The following SUMO3 variants were observed in gnomAD, a reference collection of about 807,000 sequenced individuals.
The protein encoded by SUMO3 is small ubiquitin like modifier 3.
A neutral mutation model predicts 11.1 loss-of-function variants in SUMO3; 2 were observed. The ratio of observed to expected loss-of-function variants is 0.18; its 90% CI spans 0.07 to 0.57. The LOEUF (loss-of-function observed/expected upper bound fraction) is 0.57. Ranked by LOEUF, SUMO3 falls within the 20% of genes least tolerant of loss-of-function variation. The pLI, the probability that SUMO3 is intolerant of heterozygous loss-of-function variation, is 0.92. For synonymous variants in SUMO3, 56 were observed against 53.5 expected, an observed-to-expected ratio of 1.05 and a Z score of -0.20; for missense variants, 70 against 132.8, an observed-to-expected ratio of 0.53 and a Z score of 2.32.
chr21:44,816,781 G>A (rs566395455), intron 1 of SUMO3, among the ~76,000 whole-genome samples: 3 of 152,026 alleles, frequency 2.0e-5, no homozygotes, highest in Admixed American at 2.0e-4. Flanking sequence ...GGAGACTAAA[G>A]CCCACCCAAG....
In SUMO3 at chr21:44,811,826, G is replaced by C. The variant is rs1445011340; in HGVS notation, c.150+2150C>G. Among the ~76,000 whole-genome samples, 2 of 152,080 alleles carry C rather than the reference G, an allele frequency of 1.3e-5. No homozygotes were observed. The highest frequency in any genetic ancestry group is 6.6e-5 in the Admixed American group (1 of 15,262). On this transcript the variant is annotated intron_variant, in intron 2 of 3. Coordinates refer to ENST00000332859, the MANE Select transcript of SUMO3 (RefSeq NM_006936.3). The surrounding 1 kb of genome is among the most constrained non-coding windows in gnomAD (Gnocchi z 5.0). ...ACAGGAACTCCAAAAAGAGGGAACA[G>C]AGTCTGGAGAAGGATACAAATTATC...
chr21:44,813,691 AC>A, intron 2 of SUMO3: 5 of 856,244 alleles, frequency 5.8e-6, no homozygotes, highest in Non-Finnish European at 8.8e-6. Flanking sequence ...AGATGTTAGT[AC>A]CCCATGGAGA....
At chr21:44,816,775 A>T (rs998917427) in intron 1 of SUMO3, among the ~76,000 whole-genome samples, 5 of 151,828 alleles carry the variant, frequency 3.3e-5, no homozygotes, top group Admixed American at 2.6e-4. Flanking sequence ...AATGGGGGAG[A>T]CTAAAGCCCA....
chr21:44,809,043 G>A lies in SUMO3; in HGVS notation c.222+4C>T, dbSNP rs375860938. On this transcript the variant is annotated splice_donor_region_variant and intron_variant, in intron 3 of 3. Coordinates refer to ENST00000332859, the MANE Select transcript of SUMO3 (RefSeq NM_006936.3). The stretch of plus-strand genomic sequence containing the variant: ...CCTGGAACCACGCGAAGCCAGCTCC[G>A]TACCTGTGCTGGAGTGTCAGTTTCA... 58 of 1,613,758 alleles carry A rather than the reference G, an allele frequency of 3.6e-5. No homozygotes were observed. The highest frequency in any genetic ancestry group is 8.8e-5 in the South Asian group (8 of 91,078).
In SUMO3 at chr21:44,812,239, G is replaced by A. The variant is rs1027519566; in HGVS notation, c.150+1737C>T. Among the ~76,000 whole-genome samples the A allele has an allele frequency of 4.6e-5, 7 of 151,374 alleles. No individual in the cohort carries two copies. The East Asian group carries it at 9.7e-4, about 21-fold the overall frequency. Reference sequence around the variant, plus strand: ...ACCTGGCTAATTTTTTTAATGTTTCGTAGAGACAGGGTCTCCCTGTGTTGC... The same window carrying A: ...ACCTGGCTAATTTTTTTAATGTTTCATAGAGACAGGGTCTCCCTGTGTTGC... On this transcript the variant is annotated intron_variant, in intron 2 of 3. Transcript: ENST00000332859.
intron 2 of SUMO3, among the ~76,000 whole-genome samples, chr21:44,809,693 G>A (rs945538443): frequency 6.6e-6 from 1 of 152,232 alleles, no homozygotes; most frequent in African/African-American, 2.4e-5. Flanking sequence ...TCAGCCAGGA[G>A]GTCTCTGAGG....
chr21:44,817,755 G>T (rs1185573040), intron 1 of SUMO3, among the ~76,000 whole-genome samples, 193 bp downstream of exon 1: 4 of 148,624 alleles, frequency 2.7e-5, no homozygotes, highest in Non-Finnish European at 6.0e-5. Flanking sequence ...CGGAGCTCGC[G>T]GCACAGCGCG....
intron 1 of SUMO3, among the ~76,000 whole-genome samples, chr21:44,816,375 G>A (rs1483843674): frequency 6.6e-6 from 1 of 152,176 alleles, no homozygotes; most frequent in Non-Finnish European, 1.5e-5. Context: ...ATGCCATCTG[G>A]ATAGGGCAGG....
At chr21:44,814,977 G>A (rs2083235202) in intron 1 of SUMO3, among the ~76,000 whole-genome samples, 1 of 152,230 alleles carries the variant, frequency 6.6e-6, no homozygotes, top group African/African-American at 2.4e-5. Context: ...CCGAAAAGTG[G>A]GGCACCCCTC....
Position 44,806,675 on chromosome 21 carries a change from G to A in SUMO3, c.*276C>T, listed in dbSNP as rs746284587. 2.9e-6 allele frequency: 2 copies of A among 679,514 alleles called. No homozygotes were observed. The highest frequency in any genetic ancestry group is 7.6e-5 in the Admixed American group (2 of 26,194). The allele number at this position is 679,514 out of a possible 1,614,324, so 42.1% of individuals were successfully genotyped here. A position where few individuals can be genotyped will look rare whatever the true frequency, so the allele number is the denominator to read the frequency against. On this transcript the variant is annotated 3_prime_UTR_variant, in exon 4 of 4. Coordinates refer to ENST00000332859, the MANE Select transcript of SUMO3 (RefSeq NM_006936.3). ...TTGGGGTTAAAAAAATGTTGTAGGA[G>A]GGGGGGAAAACACAAATGAGCACAC...
Position 44,817,940 on chromosome 21 carries a change from G to T in SUMO3, c.21+8C>A. The stretch of plus-strand genomic sequence containing the variant: ...AGACGCGCGTGCAGGCGGGGTCGCC[G>T]CGCTTACCTTGGGCTTCTCCTCGGA... On this transcript the variant is annotated splice_region_variant and intron_variant, in intron 1 of 3. Coordinates refer to ENST00000332859, the MANE Select transcript of SUMO3 (RefSeq NM_006936.3). The T allele has an allele frequency of 9.6e-7, 1 of 1,047,014 alleles. No homozygotes were observed. The highest frequency in any genetic ancestry group is 1.1e-6 in the Non-Finnish European group (1 of 891,524). The allele number at this position is 1,047,014 out of a possible 1,614,324, so 64.9% of individuals were successfully genotyped here. A position where few individuals can be genotyped will look rare whatever the true frequency, so the allele number is the denominator to read the frequency against.
In SUMO3 at chr21:44,808,468, C is replaced by T. The variant is rs564872507; in HGVS notation, c.222+579G>A. 1.8e-5 allele frequency: 26 copies of T among 1,431,726 alleles called. No homozygotes were observed. The African/African-American group carries it at 3.2e-4, about 18-fold the overall frequency. 88.7% of individuals were successfully genotyped at this position (1,431,726 alleles called of 1,614,324 possible). A position where few individuals can be genotyped will look rare whatever the true frequency, so the allele number is the denominator to read the frequency against. On this transcript the variant is annotated intron_variant, in intron 3 of 3. Coordinates refer to ENST00000332859, the MANE Select transcript of SUMO3 (RefSeq NM_006936.3). ...GCAGAGCTTGCACAGTGAGCTGAGA[C>T]TGCGCCACTGCATTCTAGCCTGGGC...
rs2083187920 is a variant in SUMO3, at chr21:44,807,971, T to C, written c.223-931A>G. ...TCAAGTAGGTACAAATGGATACTTGTTGCAAAGATGTTTTCAATATTTATT... is the reference window on the plus strand; with the variant it reads ...TCAAGTAGGTACAAATGGATACTTGCTGCAAAGATGTTTTCAATATTTATT... On this transcript the variant is annotated intron_variant, in intron 3 of 3. Coordinates refer to ENST00000332859, the MANE Select transcript of SUMO3 (RefSeq NM_006936.3). This position sits in a 1 kb window ranked among gnomAD's most constrained non-coding sequence, Gnocchi z 4.3. 6.6e-6 allele frequency among the ~76,000 whole-genome samples: 1 copy of C among 152,232 alleles called. No individual in the cohort carries two copies. Among genetic ancestry groups the C allele is most frequent in the African/African-American group, 2.4e-5 (1 of 41,464 alleles).
chr21:44,817,772 G>C (rs1258356150), intron 1 of SUMO3, among the ~76,000 whole-genome samples, 176 bp downstream of exon 1: 4 of 140,622 alleles, frequency 2.8e-5, no homozygotes, highest in African/African-American at 7.9e-5. Context: ...CGCGCTTCGC[G>C]GGGGCAGAGG....
intron 3 of SUMO3, 128 bp downstream of exon 3, chr21:44,808,919 A>G: frequency 1.3e-6 from 1 of 756,828 alleles, no homozygotes. Context: ...AAATAATCTA[A>G]TAATCAATAT....
At chr21:44,813,624 C>T (rs1334002723) in intron 2 of SUMO3, 1 of 588,840 alleles carries the variant, frequency 1.7e-6, no homozygotes. Context: ...ACCTGCAGCC[C>T]CAGAATGGCC....
chr21:44,812,247 A>G (rs778277417), intron 2 of SUMO3, among the ~76,000 whole-genome samples: 36 of 151,652 alleles, frequency 2.4e-4, no homozygotes, highest in Non-Finnish European at 3.5e-4. Flanking sequence ...TCGTAGAGAC[A>G]GGGTCTCCCT....
intron 3 of SUMO3, chr21:44,808,412 C>G: frequency 9.5e-7 from 1 of 1,055,516 alleles, no homozygotes; most frequent in South Asian, 1.8e-5. Flanking sequence ...ACTTGGGAGG[C>G]TGAGGCAGGA....
Position 44,817,986 on chromosome 21 carries a change from G to T in SUMO3, c.-18C>A. On this transcript the variant is annotated 5_prime_UTR_variant, in exon 1 of 4. Transcript: ENST00000332859. ...TCGGACATGGCTGCGCGAGCGGCGC[G>T]GGGAGGCGGCGCGGGGGAAGCAGCG... 8.5e-7 allele frequency: 1 copy of T among 1,180,160 alleles called. No homozygotes were observed. Among genetic ancestry groups the T allele is most frequent in the Non-Finnish European group, 1.0e-6 (1 of 954,326 alleles). 73.1% of individuals were successfully genotyped at this position (1,180,160 alleles called of 1,614,324 possible).
Sources: gnomAD v4.1 joint callset for allele counts (sites outside exome capture counted in the v4.1 genomes callset) on GRCh38, gnomAD v4.1.1 for gene constraint, Gnocchi (gnomAD v3.1) non-coding constraint, MANE v1.5 for transcripts, NCBI Gene and HGNC (gene_info 2026-07-23, HGNC 2026-07-21) for gene names.